Variants in RBFOX1 observed in about 807,000 individuals in gnomAD.
RBFOX1 encodes RNA binding protein fox-1 homolog 1.
Under a neutral mutation model 57.7 loss-of-function variants are expected in RBFOX1, and 8 were observed. That is an observed-to-expected ratio of 0.14 (90% CI 0.08 to 0.25). The LOEUF is 0.25. RBFOX1 is among the 10% of genes least tolerant of loss of function. The probability of loss-of-function intolerance (pLI) is 1.00; values close to 1 mark genes in which losing one functional copy is unlikely to be tolerated. For synonymous variants in RBFOX1, 326 were observed against 222.4 expected (o/e 1.47, Z -4.15); for missense variants, 611 against 548.5 (o/e 1.11, Z -1.14).
intron 4 of RBFOX1, among the ~76,000 whole-genome samples, chr16:7,379,200 GA>G (rs923218182): frequency 2.6e-5 from 4 of 151,916 alleles, no homozygotes; most frequent in South Asian, 4.2e-4. Context: ...GTTTGGAAGA[GA>G]AAAAAAAGCT....
chr16:7,183,269 A>G (rs748067079), intron 4 of RBFOX1, among the ~76,000 whole-genome samples: 5 of 152,146 alleles, frequency 3.3e-5, no homozygotes, highest in Admixed American at 2.0e-4. Flanking sequence ...TCACGAAAAC[A>G]TATTCCCCAA....
At chr16:7,000,936 G>A (rs890139557) in intron 3 of RBFOX1, among the ~76,000 whole-genome samples, 4 of 152,008 alleles carry the variant, frequency 2.6e-5, no homozygotes, top group Non-Finnish European at 5.9e-5. Context: ...ACTTCCATTA[G>A]GAACCACATA....
At chr16:5,958,349 A>C (rs910465092) in intron 4 of RBFOX1, among the ~76,000 whole-genome samples, 33 of 152,144 alleles carry the variant, frequency 2.2e-4, no homozygotes, top group Admixed American at 2.2e-3. Flanking sequence ...GGATGTGGAG[A>C]TAAGCCTCCT....
At chr16:5,972,684 C>A (rs377173513) in intron 4 of RBFOX1, among the ~76,000 whole-genome samples, 2 of 152,140 alleles carry the variant, frequency 1.3e-5, no homozygotes, top group Admixed American at 6.5e-5. Flanking sequence ...TTTGACCTTA[C>A]GGTGGCTCAG....
At chr16:7,286,866 T>C (rs139501574) in intron 4 of RBFOX1, among the ~76,000 whole-genome samples, 36 of 151,952 alleles carry the variant, frequency 2.4e-4, no homozygotes, top group African/African-American at 8.2e-4. Context: ...TGACCTCAGA[T>C]GATCCACCCG....
intron 1 of RBFOX1, among the ~76,000 whole-genome samples, chr16:5,390,696 A>G (rs539859127): frequency 6.6e-6 from 1 of 152,166 alleles, no homozygotes; most frequent in East Asian, 1.9e-4. Context: ...CTACCCCTCT[A>G]CCCCATCTCC....
chr16:7,146,279 G>T (rs1016709569), intron 4 of RBFOX1, among the ~76,000 whole-genome samples: 1 of 152,138 alleles, frequency 6.6e-6, no homozygotes, highest in Admixed American at 6.6e-5. Context: ...TAGTTTCTCT[G>T]CCACTAAAAA....
rs1471862436 is a variant in RBFOX1 at position 7,407,124 on chromosome 16, C to T, written c.28-111023C>T. Among the ~76,000 whole-genome samples, 3 of 152,120 alleles carry T rather than the reference C, an allele frequency of 2.0e-5. No homozygotes were observed. In the East Asian group the frequency reaches 5.8e-4, roughly 29 times the overall value. On this transcript the variant is annotated intron_variant, in intron 4 of 15. Transcript: ENST00000550418. The stretch of plus-strand genomic sequence containing the variant: ...GGTGGTATTTGGTTACATGAGTCAC[C>T]TTTAGTGGTGATTTGTGCGATTTTG...
intron 3 of RBFOX1, among the ~76,000 whole-genome samples, chr16:7,012,993 C>T (rs1333595821): frequency 6.6e-6 from 1 of 152,126 alleles, no homozygotes; most frequent in African/African-American, 2.4e-5. Flanking sequence ...GGCGTTTCCT[C>T]AGTGTGTACA....
At chr16:5,801,943 AG>A in intron 3 of RBFOX1, among the ~76,000 whole-genome samples, 1 of 152,060 alleles carries the variant, frequency 6.6e-6, no homozygotes, top group East Asian at 1.9e-4. Flanking sequence ...TCTCCCCCGG[AG>A]GGTTGGACGT....
intron 4 of RBFOX1, among the ~76,000 whole-genome samples, chr16:7,122,761 A>G (rs1045494149): frequency 2.0e-5 from 3 of 152,184 alleles, no homozygotes; most frequent in Non-Finnish European, 2.9e-5. Flanking sequence ...AAACATGTAC[A>G]TGTCTGTGTA....
chr16:7,545,676 G>A (rs4786181), intron 5 of RBFOX1, among the ~76,000 whole-genome samples: 10 of 151,890 alleles, frequency 6.6e-5, no homozygotes, highest in Admixed American at 5.2e-4. Flanking sequence ...AGAGTTGCCC[G>A]ACACGGTGAC....
chr16:6,483,648 C>T lies in RBFOX1; in HGVS notation c.-64+166591C>T, dbSNP rs2095411799. ...GACCAGGCAGCTTCTGCAGAGGCTT[C>T]CTGAAGCCCACTGACTCCGCGGGAG... On this transcript the variant is annotated intron_variant, in intron 2 of 15. Transcript: ENST00000550418. 3.5e-6 allele frequency: 5 copies of T among 1,426,730 alleles called. No individual in the cohort carries two copies. The South Asian group carries it at 4.3e-5, about 12-fold the overall frequency. 88.4% of individuals were successfully genotyped at this position (1,426,730 alleles called of 1,614,324 possible).
chr16:6,554,001 CAT>C (rs2097046464), intron 2 of RBFOX1, among the ~76,000 whole-genome samples: 1 of 151,902 alleles, frequency 6.6e-6, no homozygotes, highest in Non-Finnish European at 1.5e-5. Flanking sequence ...GTCTGGCAGA[CAT>C]ATTAGGGATG....
chr16:6,836,016 C>A (rs567417064), intron 3 of RBFOX1, among the ~76,000 whole-genome samples: 1 of 152,264 alleles, frequency 6.6e-6, no homozygotes, highest in African/African-American at 2.4e-5. Context: ...CTCAGAAATA[C>A]AGTCTCTGTC....
chr16:7,695,100 G>A (rs891642352), intron 14 of RBFOX1, among the ~76,000 whole-genome samples: 1 of 152,184 alleles, frequency 6.6e-6, no homozygotes, highest in African/African-American at 2.4e-5. Flanking sequence ...CTAGATGGCT[G>A]CTCAGTAAAT....
intron 7 of RBFOX1, among the ~76,000 whole-genome samples, chr16:7,594,333 A>T (rs2094584377): frequency 6.6e-6 from 1 of 152,206 alleles, no homozygotes; most frequent in African/African-American, 2.4e-5. Flanking sequence ...ACTTGGAGCC[A>T]ACAAGGATTA....
At chr16:7,481,848 A>G (rs1479761224) in intron 4 of RBFOX1, among the ~76,000 whole-genome samples, 5 of 152,224 alleles carry the variant, frequency 3.3e-5, no homozygotes, top group Non-Finnish European at 7.3e-5. Context: ...CACTTATATT[A>G]GTCTGTAGTT....
At chr16:6,519,053 C>G (rs938206079) in intron 2 of RBFOX1, among the ~76,000 whole-genome samples, 2 of 151,876 alleles carry the variant, frequency 1.3e-5, no homozygotes, top group Non-Finnish European at 2.9e-5. Flanking sequence ...TAACTACTTT[C>G]TCCCTTCTCG....
Sources: gnomAD v4.1 joint callset for allele counts (sites outside exome capture counted in the v4.1 genomes callset) on GRCh38, gnomAD v4.1.1 for gene constraint, MANE v1.5 for transcripts, NCBI Gene and HGNC (gene_info 2026-07-23, HGNC 2026-07-21) for gene names.